GPC6: variants seen among roughly 807,000 people sequenced by gnomAD.
The protein encoded by GPC6 is glypican 6.
GPC6 carries 14 observed loss-of-function variants against 55.2 expected under a neutral mutation model. The observed-to-expected ratio is 0.25, with a 90% CI of 0.17 to 0.40. The LOEUF is 0.40. GPC6 is among the 10% of genes least tolerant of loss of function. The pLI, the probability that GPC6 is intolerant of heterozygous loss-of-function variation, is 1.00. For synonymous variants in GPC6, 278 were observed against 259.6 expected, an observed-to-expected ratio of 1.07 and a Z score of -0.68; for missense variants, 641 against 708.5, an observed-to-expected ratio of 0.90 and a Z score of 1.08.
intron 7 of GPC6, among the ~76,000 whole-genome samples, chr13:94,397,821 G>T (rs922122607): frequency 2.6e-5 from 4 of 152,168 alleles, no homozygotes; most frequent in Non-Finnish European, 4.4e-5. Flanking sequence ...ATGTGGTTTG[G>T]CTGTGTCCCC....
intron 5 of GPC6, among the ~76,000 whole-genome samples, chr13:94,288,285 A>G (rs1433921880): frequency 6.6e-6 from 1 of 152,140 alleles, no homozygotes; most frequent in Non-Finnish European, 1.5e-5. Flanking sequence ...ATTTTTTTCA[A>G]GGAACCTCAG....
At chr13:93,408,680 A>G (rs563308174) in intron 1 of GPC6, among the ~76,000 whole-genome samples, 3 of 152,294 alleles carry the variant, frequency 2.0e-5, no homozygotes, top group East Asian at 1.9e-4. Context: ...ACTTTCCCTT[A>G]GGAATCTTGG....
At chr13:93,507,182 A>G (rs1356331196) in intron 1 of GPC6, among the ~76,000 whole-genome samples, 4 of 151,844 alleles carry the variant, frequency 2.6e-5, no homozygotes, top group African/African-American at 9.7e-5. Flanking sequence ...AAAGTAGGAA[A>G]GTGGAAAACA....
intron 1 of GPC6, among the ~76,000 whole-genome samples, chr13:93,430,677 A>G (rs1355183251): frequency 1.3e-5 from 2 of 152,172 alleles, no homozygotes; most frequent in Non-Finnish European, 2.9e-5. Flanking sequence ...CAATAGTAAT[A>G]GCAAACATTG....
chr13:93,903,268 A>G (rs1876465109), intron 3 of GPC6, among the ~76,000 whole-genome samples: 1 of 152,196 alleles, frequency 6.6e-6, no homozygotes, highest in Middle Eastern at 3.2e-3. Flanking sequence ...TTCTTTTTCA[A>G]CGGCCTGAAC....
At chr13:94,015,463 A>G (rs1882424705) in intron 3 of GPC6, among the ~76,000 whole-genome samples, 1 of 152,088 alleles carries the variant, frequency 6.6e-6, no homozygotes, top group South Asian at 2.1e-4. Context: ...TCTCCCATCT[A>G]TTGGTTATCA....
intron 1 of GPC6, among the ~76,000 whole-genome samples, chr13:93,383,373 A>G (rs1478547334): frequency 6.6e-6 from 1 of 152,068 alleles, no homozygotes; most frequent in Non-Finnish European, 1.5e-5. Flanking sequence ...CACCACACCC[A>G]GCTCATTTTT....
chr13:93,999,176 C>T (rs1011158120), intron 3 of GPC6, among the ~76,000 whole-genome samples: 3 of 152,184 alleles, frequency 2.0e-5, no homozygotes, highest in African/African-American at 7.2e-5. Context: ...GCTATCCCTC[C>T]CCTAGCTCCC....
intron 3 of GPC6, among the ~76,000 whole-genome samples, chr13:93,874,302 T>C (rs771932488): frequency 1.7e-4 from 26 of 151,962 alleles, no homozygotes; most frequent in Non-Finnish European, 3.5e-4. Flanking sequence ...CATGCACTAT[T>C]TGGTTTTATG....
chr13:94,003,439 C>T (rs1426899981), intron 3 of GPC6, among the ~76,000 whole-genome samples: 1 of 152,094 alleles, frequency 6.6e-6, no homozygotes, highest in Non-Finnish European at 1.5e-5. Flanking sequence ...GAGCACTGCT[C>T]TTAGCAAATA....
chr13:94,148,412 C>T (rs1447004266), intron 4 of GPC6, among the ~76,000 whole-genome samples: 1 of 152,044 alleles, frequency 6.6e-6, no homozygotes, highest in African/African-American at 2.4e-5. Context: ...ATCTTGTTTA[C>T]AAGGGTGTCC....
rs145674512 is a variant in GPC6, at chr13:93,405,775, A to G, written c.161-139488A>G. On this transcript the variant is annotated intron_variant, in intron 1 of 8. Coordinates refer to ENST00000377047, the MANE Select transcript of GPC6 (RefSeq NM_005708.5). ...TTATATAAGTTATCTACTGGTGTGT[A>G]ATAAACTACTTCCACATGTGGTGCC... 3.3e-3 allele frequency among the ~76,000 whole-genome samples: 504 copies of G among 152,340 alleles called. 5 individuals carry two copies. Among genetic ancestry groups the G allele is most frequent in the Non-Finnish European group, 5.1e-3 (345 of 68,032 alleles).
chr13:93,603,634 T>C (rs903565967), intron 2 of GPC6, among the ~76,000 whole-genome samples: 6 of 152,224 alleles, frequency 3.9e-5, no homozygotes, highest in South Asian at 2.1e-4. Context: ...TATCTCTCAA[T>C]TGGATAAAAC....
chr13:94,035,541 C>T (rs1883303398), intron 4 of GPC6, among the ~76,000 whole-genome samples: 1 of 152,016 alleles, frequency 6.6e-6, no homozygotes, highest in Non-Finnish European at 1.5e-5. Context: ...GTCCCACGGC[C>T]ACCATAACCA....
At chr13:94,240,435 A>G (rs1891019989) in intron 4 of GPC6, among the ~76,000 whole-genome samples, 1 of 152,100 alleles carries the variant, frequency 6.6e-6, no homozygotes, top group South Asian at 2.1e-4. Flanking sequence ...GGAGACACTC[A>G]ATGGCCTTAA....
At chr13:94,097,477 A>G (rs541397930) in intron 4 of GPC6, among the ~76,000 whole-genome samples, 115 of 143,850 alleles carry the variant, frequency 8.0e-4, no homozygotes, top group African/African-American at 2.8e-3. Context: ...ACTGCGCTCC[A>G]GCCTGGGCCA....
chr13:94,072,423 C>T (rs1179128516), intron 4 of GPC6, among the ~76,000 whole-genome samples: 2 of 152,092 alleles, frequency 1.3e-5, no homozygotes, highest in Non-Finnish European at 2.9e-5. Context: ...GGCATGATCT[C>T]AACTCACTGA....
upstream of GPC6, among the ~76,000 whole-genome samples, chr13:93,224,820 G>A (rs1222850495): frequency 6.6e-6 from 1 of 152,186 alleles, no homozygotes; most frequent in East Asian, 1.9e-4. Context: ...AGTAAAGCAA[G>A]TTATCTAATT....
intron 1 of GPC6, among the ~76,000 whole-genome samples, chr13:93,480,650 C>T (rs961965322): frequency 3.9e-5 from 6 of 152,170 alleles, no homozygotes; most frequent in African/African-American, 1.2e-4. Flanking sequence ...AGTGGTCACT[C>T]CGTATTGCCC....
Sources: gnomAD v4.1 joint callset for allele counts (sites outside exome capture counted in the v4.1 genomes callset) on GRCh38, gnomAD v4.1.1 for gene constraint, MANE v1.5 for transcripts, NCBI Gene and HGNC (gene_info 2026-07-23, HGNC 2026-07-21) for gene names.